Variants in PDGFC observed in about 807,000 individuals in gnomAD.
PDGFC encodes the protein platelet-derived growth factor C.
PDGFC carries 12 observed loss-of-function variants against 35.5 expected under a neutral mutation model. The ratio of observed to expected loss-of-function variants is 0.34; its 90% CI spans 0.22 to 0.55. PDGFC has a LOEUF of 0.55. Ranked by LOEUF, PDGFC falls within the 20% of genes least tolerant of loss-of-function variation. The pLI is 0.91. For synonymous variants in PDGFC, 159 were observed against 148.8 expected (o/e 1.07, Z -0.50); for missense variants, 322 against 412.4 (o/e 0.78, Z 1.90).
intron 1 of PDGFC, among the ~76,000 whole-genome samples, chr4:156,869,149 AC>A (rs1363907698): frequency 6.6e-6 from 1 of 152,086 alleles, no homozygotes; most frequent in Admixed American, 6.6e-5. Context: ...AATAAAAATG[AC>A]CGGCCAGGTG....
intron 1 of PDGFC, among the ~76,000 whole-genome samples, chr4:156,929,713 T>C (rs1366798179): frequency 6.6e-6 from 1 of 152,232 alleles, no homozygotes; most frequent in East Asian, 1.9e-4. Flanking sequence ...TAGCACTCAA[T>C]CTTTATGCAG....
intron 3 of PDGFC, among the ~76,000 whole-genome samples, chr4:156,789,352 T>C (rs1731225082): frequency 6.6e-6 from 1 of 152,230 alleles, no homozygotes; most frequent in Non-Finnish European, 1.5e-5. Flanking sequence ...AGAAGGCACA[T>C]GATGTACAAA....
intron 1 of PDGFC, among the ~76,000 whole-genome samples, chr4:156,891,900 A>G (rs1004855916): frequency 1.3e-5 from 2 of 152,212 alleles, no homozygotes; most frequent in Non-Finnish European, 2.9e-5. Context: ...TACATTAAAG[A>G]GTTTTATAAC....
rs1730360359 is a variant in PDGFC at position 156,760,872 on chromosome 4, G to C, written c.*2218C>G. The C allele has an allele frequency of 1.3e-5, 2 of 152,084 alleles. No homozygotes were observed. Among genetic ancestry groups the C allele is most frequent in the South Asian group, 4.1e-4 (2 of 4,822 alleles). The allele number at this position is 152,084 out of a possible 1,614,324, so 9.4% of individuals were successfully genotyped here. On this transcript the variant is annotated 3_prime_UTR_variant, in exon 6 of 6. Transcript: ENST00000502773. ...TAAACAGGCTATTTACTAAGACTTA[G>C]TAGTCTTTACTATACTAATGAAAGT...
At chr4:156,809,169 A>AAT (rs1161706047) in intron 3 of PDGFC, among the ~76,000 whole-genome samples, 9 of 152,048 alleles carry the variant, frequency 5.9e-5, no homozygotes, top group Non-Finnish European at 1.0e-4. Flanking sequence ...AGAGTCCAGG[A>AAT]GAGTTGACAA....
At chr4:156,923,297 G>A (rs776767991) in intron 1 of PDGFC, among the ~76,000 whole-genome samples, 1 of 152,054 alleles carries the variant, frequency 6.6e-6, no homozygotes, top group Non-Finnish European at 1.5e-5. Flanking sequence ...AGACGCACCT[G>A]CCTCCGGTCC....
intron 2 of PDGFC, chr4:156,842,122 T>C (rs1729219372): frequency 6.6e-6 from 1 of 152,196 alleles, no homozygotes; most frequent in African/African-American, 2.4e-5. Context: ...TCTAAGTTAT[T>C]CTTTGGTTTG....
chr4:156,793,559 AT>A (rs1560814429), intron 3 of PDGFC, among the ~76,000 whole-genome samples: 178 of 144,094 alleles, frequency 1.2e-3, no homozygotes, highest in Middle Eastern at 3.7e-3. Context: ...ATATATATAT[AT>A]ATAAAACACT....
chr4:156,771,461 T>G (rs1730691288), intron 4 of PDGFC, among the ~76,000 whole-genome samples: 1 of 152,170 alleles, frequency 6.6e-6, no homozygotes, highest in Non-Finnish European at 1.5e-5. Flanking sequence ...CGTAAGTTAT[T>G]CATCAAGTTA....
In PDGFC at chr4:156,971,531, A is replaced by C. The variant is rs1732594788; in HGVS notation, c.-628T>G. On this transcript the variant is annotated 5_prime_UTR_variant, in exon 1 of 6. Coordinates refer to ENST00000502773, the MANE Select transcript of PDGFC (RefSeq NM_016205.3). The stretch of plus-strand genomic sequence containing the variant: ...TCCGGGCCGACGGCGGCCCGGGCGC[A>C]GGCGGAGAGAGGCCGCGGGGCTCCC... 5.6e-6 allele frequency: 1 copy of C among 179,644 alleles called. No homozygotes were observed. The highest frequency in any genetic ancestry group is 1.1e-5 in the Non-Finnish European group (1 of 87,802). 11.1% of individuals were successfully genotyped at this position (179,644 alleles called of 1,614,324 possible).
At position 156,934,228 on chromosome 4, in the gene PDGFC, C is replaced by T. The variant is rs149145466; in HGVS notation, c.118+36558G>A. 1.9e-3 allele frequency among the ~76,000 whole-genome samples: 282 copies of T among 152,296 alleles called. 1 individual carries two copies. The highest frequency in any genetic ancestry group is 6.5e-3 in the African/African-American group (271 of 41,552). On this transcript the variant is annotated intron_variant, in intron 1 of 5. Transcript: ENST00000502773. Reference sequence around the variant, plus strand: ...CCTAAATGGTATGGCCTATTGCACACGTAGGCTACGTAGTACAGCCTACTG... The same window carrying T: ...CCTAAATGGTATGGCCTATTGCACATGTAGGCTACGTAGTACAGCCTACTG...
chr4:156,788,993 A>C (rs956019688), intron 3 of PDGFC, among the ~76,000 whole-genome samples: 4 of 152,200 alleles, frequency 2.6e-5, no homozygotes, highest in Non-Finnish European at 4.4e-5. Flanking sequence ...TTGAGTATAG[A>C]ATTATATAAT....
intron 3 of PDGFC, among the ~76,000 whole-genome samples, chr4:156,804,559 A>G (rs1330300253): frequency 6.6e-6 from 1 of 151,790 alleles, no homozygotes. Flanking sequence ...ATCTTTCCAA[A>G]CCACTCAACA....
At chr4:156,763,934 C>T (rs963149951) in intron 5 of PDGFC, among the ~76,000 whole-genome samples, 26 of 152,176 alleles carry the variant, frequency 1.7e-4, no homozygotes, top group African/African-American at 6.3e-4. Flanking sequence ...TTATGCTACA[C>T]ATATTTCCTC....
intron 4 of PDGFC, 84 bp downstream of exon 4, chr4:156,772,602 C>G: frequency 1.2e-6 from 1 of 803,362 alleles, no homozygotes. Flanking sequence ...TTAAACTCTA[C>G]CCTTTAGAAG....
At chr4:156,914,663 C>T (rs957706765) in intron 1 of PDGFC, among the ~76,000 whole-genome samples, 6 of 152,136 alleles carry the variant, frequency 3.9e-5, no homozygotes, top group Admixed American at 2.0e-4. Context: ...CATGTTCAAA[C>T]GTGGTTAAGT....
intron 1 of PDGFC, among the ~76,000 whole-genome samples, chr4:156,962,248 G>A (rs754401660): frequency 6.6e-6 from 1 of 152,058 alleles, no homozygotes; most frequent in African/African-American, 2.4e-5. Context: ...TCTCGCCCAT[G>A]ATATATGCCT....
intron 1 of PDGFC, among the ~76,000 whole-genome samples, chr4:156,914,070 C>T (rs995663907): frequency 1.3e-5 from 2 of 151,896 alleles, no homozygotes; most frequent in Non-Finnish European, 1.5e-5. Flanking sequence ...TCTGGAATTA[C>T]AATGATCAAT....
chr4:156,859,775 A>T (rs1729666160), intron 1 of PDGFC, among the ~76,000 whole-genome samples: 1 of 152,158 alleles, frequency 6.6e-6, no homozygotes. Context: ...TTGTGGGAAG[A>T]CGGGTTGCTT....
Sources: gnomAD v4.1 joint callset for allele counts (sites outside exome capture counted in the v4.1 genomes callset) on GRCh38, gnomAD v4.1.1 for gene constraint, MANE v1.5 for transcripts, NCBI Gene and HGNC (gene_info 2026-07-23, HGNC 2026-07-21) for gene names.